Variants in ILDR1 observed in about 807,000 individuals in gnomAD.
ILDR1 encodes immunoglobulin-like domain-containing receptor 1.
A neutral mutation model predicts 62.4 loss-of-function variants in ILDR1; 56 were observed. The observed-to-expected ratio is 0.90, with a 90% CI of 0.72 to 1.12. The LOEUF (loss-of-function observed/expected upper bound fraction) is 1.12, where lower values mean the gene tolerates loss of function less well. ILDR1 is among the 50% of genes most tolerant of loss of function. The pLI is 0.00. For synonymous variants in ILDR1, 284 were observed against 277.8 expected (o/e 1.02, Z -0.22); for missense variants, 736 against 710.6 (o/e 1.04, Z -0.41).
intron 7 of ILDR1, among the ~76,000 whole-genome samples, chr3:121,988,611 C>T (rs1468108923): frequency 6.6e-6 from 1 of 152,206 alleles, no homozygotes; most frequent in African/African-American, 2.4e-5. Context: ...GCTTACCTCT[C>T]TAGAGACTCC....
the ILDR1 span, among the ~76,000 whole-genome samples, chr3:122,042,796 T>C: frequency 2.1e-3 from 316 of 152,326 alleles, 12 homozygotes; most frequent in Admixed American, 0.02. Flanking sequence ...TCTGAGTTCA[T>C]TGTAGATTCT....
At chr3:122,031,111 C>T in the ILDR1 span, among the ~76,000 whole-genome samples, 1 of 152,182 alleles carries the variant, frequency 6.6e-6, no homozygotes, top group African/African-American at 2.4e-5. Context: ...TCCTTCTCCA[C>T]CAGAACAGCA....
chr3:122,049,299 T>A, the ILDR1 span, among the ~76,000 whole-genome samples: 1 of 152,196 alleles, frequency 6.6e-6, no homozygotes, highest in Admixed American at 6.5e-5. Context: ...CAGCATGTGA[T>A]CTATTAAAAA....
chr3:122,055,631 T>C, the ILDR1 span: 1 of 850,860 alleles, frequency 1.2e-6, no homozygotes, highest in South Asian at 1.6e-5. Flanking sequence ...TTTCTTTTTC[T>C]ACAAAAGATC....
At chr3:122,015,383 C>A (rs971672611) in intron 1 of ILDR1, among the ~76,000 whole-genome samples, 1 of 152,106 alleles carries the variant, frequency 6.6e-6, no homozygotes, top group South Asian at 2.1e-4. Flanking sequence ...TTTTCCTTTG[C>A]TCTTCATATA....
Position 121,987,413 on chromosome 3 carries a change from A to T in ILDR1, c.*954T>A, listed in dbSNP as rs1162830069. 1 of 152,064 alleles carries T rather than the reference A, an allele frequency of 6.6e-6. No homozygotes were observed. The highest frequency in any genetic ancestry group is 1.5e-5 in the Non-Finnish European group (1 of 68,020). The allele number at this position is 152,064 out of a possible 1,614,324, so 9.4% of individuals were successfully genotyped here. ...ATATACTGTGTCATTCCCAAGAAGG[A>T]TTTAAAGTGACTTCAATCAATACAC... On this transcript the variant is annotated 3_prime_UTR_variant, in exon 8 of 8. Coordinates refer to ENST00000344209, the MANE Select transcript of ILDR1 (RefSeq NM_001199799.2).
At chr3:122,005,937 A>C (rs201703709) in intron 2 of ILDR1, among the ~76,000 whole-genome samples, 11 of 82,288 alleles carry the variant, frequency 1.3e-4, no homozygotes, top group South Asian at 6.4e-4. Flanking sequence ...ACAAACAAAC[A>C]AAAAAAAAAC....
In ILDR1 at chr3:122,001,323, A is replaced by G. The variant is rs2071520873; in HGVS notation, c.631T>C (p.Cys211Arg). ...IRCPCCPAHC[C>R]CPEEALARHR... is the part of the protein sequence containing the mutation. The stretch of plus-strand genomic sequence containing the variant: ...CCCCTCTCACCTTCCTCAGGACAGC[A>G]GCAGTGGGCAGGACAGCAGGGACAG... Residue 211 changes from cysteine (C) to arginine (R), a missense_variant, in exon 5 of 8, where the codon TGC (cysteine) becomes CGC (arginine). Transcript: ENST00000344209. 3 of 1,614,192 alleles carry G rather than the reference A, an allele frequency of 1.9e-6. No individual in the cohort carries two copies. The African/African-American group carries it at 4.0e-5, about 22-fold the overall frequency.
the ILDR1 span, among the ~76,000 whole-genome samples, chr3:122,036,598 A>T: frequency 1.3e-5 from 2 of 152,066 alleles, no homozygotes; most frequent in Non-Finnish European, 2.9e-5. Flanking sequence ...CAAAAAAAAA[A>T]AAAAGGGAGG....
At chr3:122,031,103 C>A in the ILDR1 span, among the ~76,000 whole-genome samples, 2 of 152,200 alleles carry the variant, frequency 1.3e-5, no homozygotes, top group Non-Finnish European at 2.9e-5. Flanking sequence ...CCCTTTCTTC[C>A]TTCTCCACCA....
At chr3:121,992,135 A>G (rs2071357659) in intron 7 of ILDR1, among the ~76,000 whole-genome samples, 1 of 152,072 alleles carries the variant, frequency 6.6e-6, no homozygotes, top group Admixed American at 6.6e-5. Flanking sequence ...TGGATGTATT[A>G]ATTATAAATT....
At chr3:122,024,792 G>A (rs536229828), upstream of ILDR1, among the ~76,000 whole-genome samples, 6 of 152,318 alleles carry the variant, frequency 3.9e-5, no homozygotes, top group African/African-American at 1.4e-4. Context: ...GCCTAGGTGA[G>A]GTGATCTGAC....
chr3:121,994,135 C>A (rs1461588663), intron 6 of ILDR1, 47 bp downstream of exon 6: 4 of 1,532,088 alleles, frequency 2.6e-6, no homozygotes, highest in Non-Finnish European at 2.6e-6. Context: ...CATGTTCCCG[C>A]CCTTGCCCTC....
intron 1 of ILDR1, among the ~76,000 whole-genome samples, chr3:122,015,738 T>C (rs762076701): frequency 1.3e-5 from 2 of 152,232 alleles, no homozygotes; most frequent in African/African-American, 2.4e-5. Flanking sequence ...CAGTTCTTTA[T>C]AGCAGCATGA....
intron 1 of ILDR1, among the ~76,000 whole-genome samples, chr3:122,012,440 T>C (rs2071718213): frequency 6.6e-6 from 1 of 152,238 alleles, no homozygotes; most frequent in Admixed American, 6.5e-5. Context: ...TTCTAGAACC[T>C]GACTCCCTGA....
the ILDR1 span, among the ~76,000 whole-genome samples, chr3:122,055,845 C>G: frequency 6.6e-6 from 1 of 151,872 alleles, no homozygotes; most frequent in Non-Finnish European, 1.5e-5. Context: ...TGTTTTTTGT[C>G]TACCAGGGTC....
At chr3:122,060,534 G>A in the ILDR1 span, among the ~76,000 whole-genome samples, 1 of 152,086 alleles carries the variant, frequency 6.6e-6, no homozygotes, top group Non-Finnish European at 1.5e-5. Flanking sequence ...TGTAATCCCA[G>A]TGACTCAGGA....
At chr3:122,046,610 G>A in the ILDR1 span, among the ~76,000 whole-genome samples, 1 of 151,110 alleles carries the variant, frequency 6.6e-6, no homozygotes, top group African/African-American at 2.4e-5. Flanking sequence ...TGGAGGCTTT[G>A]CTCGTTTCTT....
chr3:122,001,834 C>A lies in ILDR1; in HGVS notation c.410G>T (p.Trp137Leu). Reference protein sequence around the residue: ...RADLVINEVMWWDHGVYYCTI... With the variant: ...RADLVINEVMLWDHGVYYCTI... ...GCAGTAATACACTCCATGGTCCCACCACATCACTTCATTTATCACGAGATC... is the reference window on the plus strand; with the variant it reads ...GCAGTAATACACTCCATGGTCCCACAACATCACTTCATTTATCACGAGATC... The change falls in exon 4 of 8, where the codon TGG becomes TTG. Residue 137 changes from tryptophan (W) to leucine (L), a missense_variant. By Grantham distance (61) the Trp-to-Leu change is moderately conservative. Transcript: ENST00000344209. 1 of 1,613,588 alleles carries A rather than the reference C, an allele frequency of 6.2e-7. No individual in the cohort carries two copies. Among genetic ancestry groups the A allele is most frequent in the Non-Finnish European group, 8.5e-7 (1 of 1,179,960 alleles).
Sources: gnomAD v4.1 joint callset for allele counts (sites outside exome capture counted in the v4.1 genomes callset) on GRCh38, gnomAD v4.1.1 for gene constraint, MANE v1.5 for transcripts, NCBI Gene and HGNC (gene_info 2026-07-23, HGNC 2026-07-21) for gene names.